The following PVT1 variants were observed in gnomAD, a reference collection of about 807,000 sequenced individuals.
PVT1 encodes CXCR4/PVT1 fusion.
At chr8:128,003,303 C>A (rs1221199278) in intron 4 of PVT1, among the ~76,000 whole-genome samples, 1 of 148,816 alleles carries the variant, frequency 6.7e-6, no homozygotes, top group East Asian at 2.0e-4. Context: ...CCTCTCTTAC[C>A]CTCCCCTCCC....
chr8:127,833,546 T>C (rs1195183312), intron 2 of PVT1, among the ~76,000 whole-genome samples: 2 of 152,086 alleles, frequency 1.3e-5, no homozygotes, highest in South Asian at 2.1e-4. Context: ...CTCAGCTTCC[T>C]GGGCTTAAGT....
intron 4 of PVT1, among the ~76,000 whole-genome samples, chr8:127,993,280 C>T (rs1409299445): frequency 2.0e-5 from 3 of 152,242 alleles, no homozygotes; most frequent in Admixed American, 6.5e-5. Context: ...CCCACAGACA[C>T]GGAGCTTCCT....
chr8:127,879,286 C>T lies in PVT1; in HGVS notation n.373-11303C>T, dbSNP rs141589110. Among the ~76,000 whole-genome samples, 756 of 152,080 alleles carry T rather than the reference C, an allele frequency of 5.0e-3. 1 individual carries two copies. The highest frequency in any genetic ancestry group is 0.014 in the Middle Eastern group (4 of 294). ...GCTCCTGCCTGTAATCCCAGCACTTCGGGAGGCCAAGGCCGGGGTATCAGT... is the reference window on the plus strand; with the variant it reads ...GCTCCTGCCTGTAATCCCAGCACTTTGGGAGGCCAAGGCCGGGGTATCAGT... On this transcript the variant is annotated intron_variant and non_coding_transcript_variant, in intron 2 of 10. Transcript: ENST00000651587.
At chr8:128,039,736 T>A (rs1813508960) in intron 4 of PVT1, among the ~76,000 whole-genome samples, 1 of 152,186 alleles carries the variant, frequency 6.6e-6, no homozygotes, top group East Asian at 1.9e-4. Flanking sequence ...TTCTGGCTGC[T>A]GTGTTGAAAG....
intron 4 of PVT1, among the ~76,000 whole-genome samples, chr8:127,998,875 C>G (rs1443352480): frequency 6.9e-6 from 1 of 145,200 alleles, no homozygotes. Flanking sequence ...CTCTCTCTCT[C>G]TTTTTTTGGT....
rs1586519410 is a variant in PVT1, at chr8:128,099,671, C to A, written n.1251+3017C>A. The A allele has an allele frequency of 3.9e-5, 6 of 152,208 alleles. No individual in the cohort carries two copies. In the East Asian group the frequency reaches 1.2e-3, roughly 29 times the overall value. The allele number at this position is 152,208 out of a possible 1,614,324, so 9.4% of individuals were successfully genotyped here. ...AATAAACAAAATAGCCAAATTAATA[C>A]CAGTAATCACCCCAGTCAAATATAC... On this transcript the variant is annotated intron_variant and non_coding_transcript_variant, in intron 6 of 10. Coordinates refer to ENST00000651587, the Ensembl canonical transcript of PVT1.
intron 4 of PVT1, among the ~76,000 whole-genome samples, chr8:128,065,791 G>C (rs997615883): frequency 6.6e-6 from 1 of 152,226 alleles, no homozygotes; most frequent in African/African-American, 2.4e-5. Context: ...AGCCCACTGA[G>C]TTCCGACAAT....
intron 2 of PVT1, among the ~76,000 whole-genome samples, chr8:127,849,300 T>C (rs1298043995): frequency 6.6e-6 from 1 of 152,098 alleles, no homozygotes; most frequent in Non-Finnish European, 1.5e-5. Context: ...TAAGACAGGG[T>C]CAGAGCAGTT....
intron 2 of PVT1, among the ~76,000 whole-genome samples, chr8:127,877,290 C>A (rs1017637670): frequency 6.6e-6 from 1 of 152,196 alleles, no homozygotes; most frequent in Non-Finnish European, 1.5e-5. Flanking sequence ...GGGCAAGGGG[C>A]CCGCCCTTTT....
chr8:127,979,070 G>C (rs980029778), intron 3 of PVT1, among the ~76,000 whole-genome samples: 5 of 152,200 alleles, frequency 3.3e-5, no homozygotes, highest in Admixed American at 2.0e-4. Flanking sequence ...AATTTAACCT[G>C]TACCAAATAA....
intron 2 of PVT1, among the ~76,000 whole-genome samples, chr8:127,840,587 G>T (rs563198130): frequency 6.6e-6 from 1 of 152,352 alleles, no homozygotes; most frequent in South Asian, 2.1e-4. Flanking sequence ...CGGGAGACTG[G>T]CTCCAAAAGG....
At chr8:128,074,362 TA>T (rs71300296) in intron 5 of PVT1, among the ~76,000 whole-genome samples, 88,554 of 149,454 alleles carry the variant, frequency 0.59, 26,330 homozygotes, top group East Asian at 0.69. Context: ...AAAATAAAAA[TA>T]AAAAAAAAAA....
At chr8:127,855,831 C>A (rs943669539) in intron 2 of PVT1, among the ~76,000 whole-genome samples, 1 of 152,186 alleles carries the variant, frequency 6.6e-6, no homozygotes, top group Non-Finnish European at 1.5e-5. Context: ...TTCTGAGGAG[C>A]GGAGGCATGA....
At chr8:127,811,800 G>T (rs1814598216) in intron 2 of PVT1, among the ~76,000 whole-genome samples, 1 of 152,088 alleles carries the variant, frequency 6.6e-6, no homozygotes, top group Non-Finnish European at 1.5e-5. Context: ...ATAACATGGG[G>T]TCGGCTGTTA....
At chr8:128,094,282 A>T (rs1814399069) in intron 5 of PVT1, among the ~76,000 whole-genome samples, 1 of 152,262 alleles carries the variant, frequency 6.6e-6, no homozygotes, top group Non-Finnish European at 1.5e-5. Context: ...TTAAATGTAA[A>T]TGTAAATTAA....
chr8:127,903,342 A>G (rs887620173), intron 3 of PVT1, among the ~76,000 whole-genome samples: 1 of 152,176 alleles, frequency 6.6e-6, no homozygotes, highest in African/African-American at 2.4e-5. Context: ...AACTTTGTCA[A>G]ATGCATACTT....
At chr8:127,878,074 G>GCT (rs796246258) in intron 2 of PVT1, among the ~76,000 whole-genome samples, 40 of 152,268 alleles carry the variant, frequency 2.6e-4, no homozygotes, top group African/African-American at 8.9e-4. Flanking sequence ...TTGTTTGACG[G>GCT]CTCAGGTCCT....
At chr8:127,814,694 T>C (rs1415893779) in intron 2 of PVT1, among the ~76,000 whole-genome samples, 1 of 152,212 alleles carries the variant, frequency 6.6e-6, no homozygotes, top group Non-Finnish European at 1.5e-5. Context: ...AAATTTGCCA[T>C]TGTAACCATT....
intron 5 of PVT1, among the ~76,000 whole-genome samples, chr8:128,073,671 G>A (rs897776673): frequency 6.6e-6 from 1 of 152,012 alleles, no homozygotes; most frequent in African/African-American, 2.4e-5. Flanking sequence ...TGTGAGGAAG[G>A]GTCTGGTCCC....
Sources: gnomAD v4.1 joint callset for allele counts (sites outside exome capture counted in the v4.1 genomes callset) on GRCh38, gnomAD v4.1.1 for gene constraint, MANE v1.5 for transcripts, NCBI Gene and HGNC (gene_info 2026-07-23, HGNC 2026-07-21) for gene names.